AGTPBP1: variants seen among roughly 807,000 people sequenced by gnomAD.
AGTPBP1 encodes ATP/GTP binding carboxypeptidase 1, also known as cytosolic carboxypeptidase 1.
In AGTPBP1, 70 loss-of-function variants were observed where a neutral mutation model predicts 143.9. The observed-to-expected ratio is 0.49, with a 90% CI of 0.40 to 0.59. The LOEUF is 0.59. AGTPBP1 is among the 20% of genes least tolerant of loss of function. The pLI is 0.00. For missense variants in AGTPBP1, 1,229 were observed against 1,464.5 expected (o/e 0.84, Z 2.62); for synonymous variants, 463 against 500.2 (o/e 0.93, Z 0.99).
chr9:85,783,772 T>C, the AGTPBP1 span, among the ~76,000 whole-genome samples: 1 of 152,146 alleles, frequency 6.6e-6, no homozygotes, highest in African/African-American at 2.4e-5. Context: ...GTAGCTGGGA[T>C]TACAGGTGCC....
At position 85,657,407 on chromosome 9, in the gene AGTPBP1, T is replaced by A. The variant is rs1249925865; in HGVS notation, c.909+28A>T. On this transcript the variant is annotated intron_variant, in intron 10 of 25. Coordinates refer to ENST00000357081, the MANE Select transcript of AGTPBP1 (RefSeq NM_001330701.2). Reference sequence around the variant, plus strand: ...ACCAAATCATATTATTAGTACATAATCACAATAATAAGAAGAAAATAACTC... The same window carrying A: ...ACCAAATCATATTATTAGTACATAAACACAATAATAAGAAGAAAATAACTC... The A allele has an allele frequency of 5.1e-6, 8 of 1,561,068 alleles. No homozygotes were observed. The African/African-American group carries it at 8.2e-5, about 16-fold the overall frequency.
chr9:85,580,896 C>T (rs1828214767), intron 23 of AGTPBP1, among the ~76,000 whole-genome samples: 1 of 152,122 alleles, frequency 6.6e-6, no homozygotes, highest in Non-Finnish European at 1.5e-5. Flanking sequence ...GAAAAAGTTG[C>T]TATGTAGTGT....
intron 25 of AGTPBP1, among the ~76,000 whole-genome samples, chr9:85,570,011 A>G (rs1433194137): frequency 6.6e-6 from 1 of 152,172 alleles, no homozygotes; most frequent in Non-Finnish European, 1.5e-5. Flanking sequence ...GTAGTCCCCT[A>G]TTACCTGCAG....
chr9:85,781,372 A>G, the AGTPBP1 span: 1 of 1,536,916 alleles, frequency 6.5e-7, no homozygotes, highest in South Asian at 1.3e-5. Flanking sequence ...AGAGTGTAAG[A>G]CTTTTAGTGT....
intron 11 of AGTPBP1, among the ~76,000 whole-genome samples, chr9:85,652,286 G>A (rs1034606143): frequency 1.3e-5 from 2 of 152,040 alleles, no homozygotes; most frequent in Non-Finnish European, 2.9e-5. Flanking sequence ...TGAGGCAGGC[G>A]GATCACAAGG....
Position 85,585,515 on chromosome 9 carries a change from T to A in AGTPBP1, c.3113A>T (p.His1038Leu). ...ACATGAAGTTGCATTATCATTGGTA[T>A]GCCACACTGTCTCTTTGATGCTGCA... ...YGCSIKETVWHTNDNATSCDV... is the reference protein window; with the variant it reads ...YGCSIKETVWLTNDNATSCDV... The change falls in exon 23 of 26, where the codon CAT becomes CTT. Residue 1038 changes from histidine (H) to leucine (L), a missense_variant. His to Leu is a moderately conservative substitution (Grantham distance 99). Coordinates refer to ENST00000357081, the MANE Select transcript of AGTPBP1 (RefSeq NM_001330701.2). The A allele has an allele frequency of 1.2e-6, 2 of 1,611,836 alleles. No individual in the cohort carries two copies. Among genetic ancestry groups the A allele is most frequent in the Non-Finnish European group, 1.7e-6 (2 of 1,178,998 alleles).
upstream of AGTPBP1, among the ~76,000 whole-genome samples, chr9:85,742,300 T>C (rs1216561837): frequency 3.3e-5 from 5 of 152,266 alleles, no homozygotes; most frequent in East Asian, 1.9e-4. Context: ...TCAAGTCATC[T>C]TTCTGTACAC....
chr9:85,571,625 T>C (rs902434224), intron 25 of AGTPBP1, among the ~76,000 whole-genome samples: 1 of 152,204 alleles, frequency 6.6e-6, no homozygotes, highest in Non-Finnish European at 1.5e-5. Context: ...TGGAGAAGTT[T>C]GGCAGATACC....
intron 11 of AGTPBP1, 111 bp downstream of exon 11, chr9:85,655,032 C>T (rs675837): frequency 0.41 from 385,336 of 931,392 alleles, 89,772 homozygotes; most frequent in East Asian, 0.87. Context: ...ATGTTTATCA[C>T]GTTAAGTAAG....
chr9:85,729,050 TA>T (rs377170676), intron 1 of AGTPBP1, among the ~76,000 whole-genome samples: 8 of 152,308 alleles, frequency 5.3e-5, no homozygotes, highest in Non-Finnish European at 1.2e-4. Context: ...AGTAGTAGCA[TA>T]AAGACAGACA....
intron 22 of AGTPBP1, among the ~76,000 whole-genome samples, chr9:85,586,208 A>C (rs944758098): frequency 6.9e-6 from 1 of 145,880 alleles, no homozygotes; most frequent in Non-Finnish European, 1.5e-5. Flanking sequence ...TCCATCTCGA[A>C]AAAAAAAAAA....
chr9:85,623,395 C>A (rs1170060925), intron 14 of AGTPBP1, among the ~76,000 whole-genome samples: 2 of 151,982 alleles, frequency 1.3e-5, no homozygotes, highest in East Asian at 1.9e-4. Context: ...ACATAATTGC[C>A]CATTTATATT....
Position 85,646,309 on chromosome 9 carries a change from A to G in AGTPBP1, c.1185+12T>C, listed in dbSNP as rs1171928271. 2.5e-6 allele frequency: 4 copies of G among 1,601,822 alleles called. No homozygotes were observed. The highest frequency in any genetic ancestry group is 2.6e-6 in the Non-Finnish European group (3 of 1,170,966). The stretch of plus-strand genomic sequence containing the variant: ...TTTATAAAGCTAACTAATTACAGAA[A>G]TTTATACTAACCTTAAAATTTTGAT... On this transcript the variant is annotated intron_variant, in intron 12 of 25. Coordinates refer to ENST00000357081, the MANE Select transcript of AGTPBP1 (RefSeq NM_001330701.2).
rs1372129676 is a variant in AGTPBP1, at chr9:85,632,929, T to C, written c.1748A>G (p.Glu583Gly). 1 of 1,614,090 alleles carries C rather than the reference T, an allele frequency of 6.2e-7. No individual in the cohort carries two copies. The highest frequency in any genetic ancestry group is 1.7e-5 in the Admixed American group (1 of 60,010). Residue 583 changes from glutamate to glycine, a missense_variant, in exon 14 of 26, where the codon GAG becomes GGG. Glu to Gly is a moderately conservative substitution (Grantham distance 98, BLOSUM62 -2). Coordinates refer to ENST00000357081, the MANE Select transcript of AGTPBP1 (RefSeq NM_001330701.2). ...HMATCGNVLFEGRTVQLGKLC... is the reference protein window; with the variant it reads ...HMATCGNVLFGGRTVQLGKLC... ...CTTCCCTAGCTGAACTGTTCTTCCC[T>C]CAAACAGAACATTTCCACAAGTAGC...
chr9:85,591,403 C>T (rs991337311), intron 19 of AGTPBP1, among the ~76,000 whole-genome samples: 1 of 151,958 alleles, frequency 6.6e-6, no homozygotes, highest in Admixed American at 6.6e-5. Flanking sequence ...TCCTAGGACA[C>T]TAGTTACAAA....
intron 1 of AGTPBP1, among the ~76,000 whole-genome samples, chr9:85,715,018 G>A (rs1469402430): frequency 6.6e-6 from 1 of 152,012 alleles, no homozygotes; most frequent in Non-Finnish European, 1.5e-5. Flanking sequence ...AGGCCAAGGC[G>A]GGCGGATGAC....
chr9:85,775,585 T>G, the AGTPBP1 span, among the ~76,000 whole-genome samples: 1 of 144,752 alleles, frequency 6.9e-6, no homozygotes, highest in Non-Finnish European at 1.5e-5. Flanking sequence ...TTATATTATA[T>G]AAATATATAT....
intron 17 of AGTPBP1, among the ~76,000 whole-genome samples, chr9:85,617,377 G>A (rs1830655614): frequency 6.6e-6 from 1 of 151,956 alleles, no homozygotes; most frequent in Non-Finnish European, 1.5e-5. Flanking sequence ...TTGTATGCCA[G>A]AAAAAAATTC....
chr9:85,581,974 A>C (rs1397698706), intron 23 of AGTPBP1, among the ~76,000 whole-genome samples: 1 of 152,206 alleles, frequency 6.6e-6, no homozygotes, highest in African/African-American at 2.4e-5. Context: ...AAGAAAAAAA[A>C]TCTGATATCT....
Sources: allele counts gnomAD v4.1 joint callset (sites outside exome capture counted in the v4.1 genomes callset), GRCh38; gene constraint gnomAD v4.1.1; transcripts MANE v1.5; gene names NCBI Gene and HGNC (gene_info 2026-07-23, HGNC 2026-07-21).